The following TMEM178B variants were observed in gnomAD, a reference collection of about 807,000 sequenced individuals.
TMEM178B encodes the protein transmembrane protein 178B.
Under a neutral mutation model 31.0 loss-of-function variants are expected in TMEM178B, and 5 were observed. The ratio of observed to expected loss-of-function variants is 0.16; its 90% confidence interval spans 0.08 to 0.34. The LOEUF is 0.34. Ranked by LOEUF, TMEM178B falls within the 10% of genes least tolerant of loss-of-function variation. The pLI, the probability that TMEM178B is intolerant of heterozygous loss-of-function variation, is 1.00. For synonymous variants in TMEM178B, 164 were observed against 164.0 expected (o/e 1.00, Z 0.00); for missense variants, 275 against 400.3 (o/e 0.69, Z 2.67).
intron 1 of TMEM178B, among the ~76,000 whole-genome samples, chr7:141,075,336 T>C (rs891936456): frequency 6.6e-6 from 1 of 151,870 alleles, no homozygotes; most frequent in Admixed American, 6.6e-5. Flanking sequence ...CAACAAGGTC[T>C]AATAAGTAAA....
intron 2 of TMEM178B, among the ~76,000 whole-genome samples, chr7:141,236,399 A>G (rs1430272211): frequency 6.6e-6 from 1 of 152,226 alleles, no homozygotes; most frequent in African/African-American, 2.4e-5. Flanking sequence ...ACAATCCTGA[A>G]CATTACTTCT....
chr7:141,285,688 C>G (rs538747195), intron 2 of TMEM178B, among the ~76,000 whole-genome samples: 1 of 152,188 alleles, frequency 6.6e-6, no homozygotes, highest in Admixed American at 6.5e-5. Flanking sequence ...AGAGTTGGAA[C>G]AACCCAAAAG....
At chr7:141,500,885 G>A in the TMEM178B span, among the ~76,000 whole-genome samples, 3 of 152,186 alleles carry the variant, frequency 2.0e-5, no homozygotes, top group Non-Finnish European at 4.4e-5. Context: ...TCAGGCTTGT[G>A]ACGGAAGGAA....
At position 141,422,106 on chromosome 7, in the gene TMEM178B, C is replaced by T. The variant is rs548932277; in HGVS notation, c.497-15502C>T. 6.6e-6 allele frequency among the ~76,000 whole-genome samples: 1 copy of T among 152,258 alleles called. No individual in the cohort carries two copies. The highest frequency in any genetic ancestry group is 2.4e-5 in the African/African-American group (1 of 41,562). On this transcript the variant is annotated intron_variant, in intron 2 of 3. Coordinates refer to ENST00000565468, the MANE Select transcript of TMEM178B (RefSeq NM_001195278.2). The surrounding 1 kb of genome is among the most constrained non-coding windows in gnomAD (Gnocchi z 4.2). ...GCAATACGGAAAGAGATCTGTTCAG[C>T]TTCTTTATTTTTACGATTCTACCTG...
At chr7:141,506,310 T>C in the TMEM178B span, among the ~76,000 whole-genome samples, 2 of 152,262 alleles carry the variant, frequency 1.3e-5, no homozygotes. Context: ...TGCATTATTT[T>C]GTTTTCACAC....
chr7:141,301,466 T>C (rs1798725029), intron 2 of TMEM178B, among the ~76,000 whole-genome samples: 2 of 152,206 alleles, frequency 1.3e-5, no homozygotes, highest in Admixed American at 6.5e-5. Flanking sequence ...TTGTAAATTT[T>C]TTTTTTCTCT....
At chr7:141,149,014 G>T (rs188810711) in intron 1 of TMEM178B, among the ~76,000 whole-genome samples, 144 of 152,312 alleles carry the variant, frequency 9.5e-4, no homozygotes, top group Non-Finnish European at 1.7e-3. Flanking sequence ...GTGGAGGGCA[G>T]TAGGGAGTTA....
intron 2 of TMEM178B, among the ~76,000 whole-genome samples, chr7:141,230,075 G>A (rs897323134): frequency 2.6e-5 from 4 of 151,924 alleles, no homozygotes; most frequent in African/African-American, 4.8e-5. Context: ...CATATTCTAC[G>A]ATGTAAGTAT....
At chr7:141,177,322 T>A (rs1016475794) in intron 1 of TMEM178B, among the ~76,000 whole-genome samples, 13 of 152,198 alleles carry the variant, frequency 8.5e-5, no homozygotes, top group Non-Finnish European at 1.3e-4. Flanking sequence ...TTTGTTATGA[T>A]TTCCGTTCTT....
intron 1 of TMEM178B, among the ~76,000 whole-genome samples, chr7:141,147,696 G>A (rs911365291): frequency 2.6e-5 from 4 of 152,208 alleles, no homozygotes; most frequent in Non-Finnish European, 4.4e-5. Context: ...GGCACACCAC[G>A]CTGCCATCAG....
intron 2 of TMEM178B, among the ~76,000 whole-genome samples, chr7:141,267,464 A>G (rs972660418): frequency 6.6e-6 from 1 of 152,212 alleles, no homozygotes; most frequent in Non-Finnish European, 1.5e-5. Context: ...GACCCTCATT[A>G]GCTCATCATA....
intron 2 of TMEM178B, among the ~76,000 whole-genome samples, chr7:141,253,240 C>T (rs570856007): frequency 6.6e-6 from 1 of 152,266 alleles, no homozygotes; most frequent in Admixed American, 6.5e-5. Flanking sequence ...CTTATTGGTT[C>T]CTTTAATTCT....
chr7:141,160,898 C>T (rs1381871422), intron 1 of TMEM178B, among the ~76,000 whole-genome samples: 2 of 152,090 alleles, frequency 1.3e-5, no homozygotes, highest in East Asian at 3.9e-4. Flanking sequence ...GCTCTTGTTG[C>T]CCAGGACGGA....
intron 1 of TMEM178B, among the ~76,000 whole-genome samples, chr7:141,142,706 C>T (rs1795793945): frequency 1.3e-5 from 2 of 152,264 alleles, no homozygotes; most frequent in African/African-American, 4.8e-5. Context: ...CACCCCCGGC[C>T]GAACAATTTA....
chr7:141,458,985 T>G (rs1375108666), intron 3 of TMEM178B, among the ~76,000 whole-genome samples: 2 of 152,208 alleles, frequency 1.3e-5, no homozygotes, highest in African/African-American at 4.8e-5. Flanking sequence ...TGTGTTTACT[T>G]CATTCTCCTT....
intron 2 of TMEM178B, among the ~76,000 whole-genome samples, chr7:141,276,958 A>G (rs1400075503): frequency 6.6e-6 from 1 of 152,208 alleles, no homozygotes; most frequent in Non-Finnish European, 1.5e-5. Flanking sequence ...TAAAAATGCT[A>G]TACCTGTATA....
At chr7:141,147,558 AG>A (rs1478090513) in intron 1 of TMEM178B, among the ~76,000 whole-genome samples, 16 of 152,288 alleles carry the variant, frequency 1.1e-4, no homozygotes, top group African/African-American at 3.8e-4. Context: ...CAAGCGATGA[AG>A]AGGGTTGTGA....
rs1179943997 is a variant in TMEM178B, at chr7:141,414,075, ATTTTTTTTTTTTTTTT to A, written c.497-23521_497-23506del. 1.4e-4 allele frequency among the ~76,000 whole-genome samples: 8 copies of A among 58,348 alleles called. 4 individuals are homozygous for A. The highest frequency in any genetic ancestry group is 2.4e-4 in the Non-Finnish European group (8 of 33,526). 38.3% of individuals were successfully genotyped at this position (58,348 alleles called of 152,430 possible). A position where few individuals can be genotyped will look rare whatever the true frequency, so the allele number is the denominator to read the frequency against. ...ATTACTTAATTTCTCCAAAAACATCATTTTTTTTTTTTTTTTTTTTTTTTTTTGAGACGGAGTCCCG... is the reference window on the plus strand; with the variant it reads ...ATTACTTAATTTCTCCAAAAACATCATTTTTTTTTTTGAGACGGAGTCCCG... On this transcript the variant is annotated intron_variant, in intron 2 of 3. Coordinates refer to ENST00000565468, the MANE Select transcript of TMEM178B (RefSeq NM_001195278.2).
chr7:141,401,924 A>G (rs1800784266), intron 2 of TMEM178B, among the ~76,000 whole-genome samples: 2 of 152,204 alleles, frequency 1.3e-5, no homozygotes, highest in African/African-American at 4.8e-5. Context: ...CACCCCTCCC[A>G]CAGCACTATA....
Sources: allele counts gnomAD v4.1 joint callset (sites outside exome capture counted in the v4.1 genomes callset), GRCh38; gene constraint gnomAD v4.1.1; non-coding constraint Gnocchi (gnomAD v3.1); transcripts MANE v1.5; gene names NCBI Gene and HGNC (gene_info 2026-07-23, HGNC 2026-07-21).